SDC2: variants seen among roughly 807,000 people sequenced by gnomAD.
SDC2 encodes the protein syndecan 2, also known as syndecan-2.
Under a neutral mutation model 22.2 loss-of-function variants are expected in SDC2, and 13 were observed. The ratio of observed to expected loss-of-function variants is 0.59; its 90% CI spans 0.38 to 0.93. The LOEUF (loss-of-function observed/expected upper bound fraction) is 0.93. Ranked by LOEUF, SDC2 falls within the 40% of genes least tolerant of loss-of-function variation. The pLI is 0.00. For missense variants in SDC2, 235 were observed against 246.8 expected (o/e 0.95, Z 0.32); for synonymous variants, 94 against 92.8 (o/e 1.01, Z -0.07).
intron 1 of SDC2, among the ~76,000 whole-genome samples, chr8:96,576,410 TA>T (rs1814502107): frequency 4.9e-5 from 2 of 41,188 alleles, no homozygotes; most frequent in East Asian, 3.3e-4. Flanking sequence ...TTTGCTTTAT[TA>T]TTCTCTTTTT....
At chr8:96,608,113 G>A (rs563800417) in intron 3 of SDC2, among the ~76,000 whole-genome samples, 12 of 152,260 alleles carry the variant, frequency 7.9e-5, no homozygotes, top group South Asian at 2.1e-4. Context: ...CTAGCTCTCC[G>A]ACTTGCCTGA....
At chr8:96,589,194 A>G (rs751718335) in intron 1 of SDC2, among the ~76,000 whole-genome samples, 1 of 152,164 alleles carries the variant, frequency 6.6e-6, no homozygotes, top group South Asian at 2.1e-4. Flanking sequence ...GCTGTCCTCA[A>G]TTTTCCAACC....
chr8:96,551,586 C>T (rs1316240689), intron 1 of SDC2, among the ~76,000 whole-genome samples: 1 of 152,198 alleles, frequency 6.6e-6, no homozygotes, highest in African/African-American at 2.4e-5. Context: ...ACTCATCCAG[C>T]TCCAAGGCCC....
At chr8:96,529,097 C>T (rs1563649924) in intron 1 of SDC2, 1 of 152,196 alleles carries the variant, frequency 6.6e-6, no homozygotes, top group Non-Finnish European at 1.5e-5. Flanking sequence ...TTACTTCCAC[C>T]CAAGGGCAGC....
At chr8:96,580,139 A>C (rs540541600) in intron 1 of SDC2, among the ~76,000 whole-genome samples, 4 of 152,318 alleles carry the variant, frequency 2.6e-5, no homozygotes, top group Admixed American at 2.6e-4. Context: ...ACTTGAACGG[A>C]TTGTGGTCAT....
Position 96,567,201 on chromosome 8 carries a change from C to T in SDC2, c.61-26279C>T, listed in dbSNP as rs114939682. On this transcript the variant is annotated intron_variant, in intron 1 of 4. Transcript: ENST00000302190. Reference sequence around the variant, plus strand: ...TACAAGGTGATAGTTTATTAGTAAGCGTTCATGCCAATAACAGTTTCTGTT... The same window carrying T: ...TACAAGGTGATAGTTTATTAGTAAGTGTTCATGCCAATAACAGTTTCTGTT... Among the ~76,000 whole-genome samples, 152 of 152,280 alleles carry T rather than the reference C, an allele frequency of 1.0e-3. 1 individual carries two copies. The highest frequency in any genetic ancestry group is 3.4e-3 in the African/African-American group (142 of 41,566).
intron 1 of SDC2, among the ~76,000 whole-genome samples, chr8:96,547,391 A>G (rs1813950898): frequency 6.6e-6 from 1 of 152,202 alleles, no homozygotes; most frequent in South Asian, 2.1e-4. Context: ...AGTCCTAATT[A>G]TGACTCAAGC....
intron 1 of SDC2, among the ~76,000 whole-genome samples, chr8:96,512,900 C>G (rs1813349077): frequency 6.6e-6 from 1 of 151,946 alleles, no homozygotes; most frequent in South Asian, 2.1e-4. Flanking sequence ...AAATAGAAGC[C>G]TTTAGTGCAT....
At chr8:96,532,346 T>C (rs1411485271) in intron 1 of SDC2, among the ~76,000 whole-genome samples, 3 of 150,072 alleles carry the variant, frequency 2.0e-5, no homozygotes, top group Non-Finnish European at 4.4e-5. Context: ...CTAACTGAGT[T>C]CTTGGGGCAC....
chr8:96,569,530 C>T (rs1324702735), intron 1 of SDC2, among the ~76,000 whole-genome samples: 2 of 152,054 alleles, frequency 1.3e-5, no homozygotes, highest in African/African-American at 2.4e-5. Context: ...GAGACAGTCC[C>T]CAGTACATAG....
intron 1 of SDC2, among the ~76,000 whole-genome samples, chr8:96,564,506 C>T (rs545976851): frequency 1.3e-5 from 2 of 152,112 alleles, no homozygotes; most frequent in Non-Finnish European, 2.9e-5. Flanking sequence ...AGGCCTTGAC[C>T]GTAGAGTTGT....
chr8:96,516,600 A>G (rs927494278), intron 1 of SDC2, among the ~76,000 whole-genome samples: 1 of 151,618 alleles, frequency 6.6e-6, no homozygotes, highest in African/African-American at 2.4e-5. Flanking sequence ...CACTCACTTC[A>G]AGGCCTAGGC....
chr8:96,607,401 T>C (rs1815099307), intron 3 of SDC2, among the ~76,000 whole-genome samples: 1 of 152,164 alleles, frequency 6.6e-6, no homozygotes, highest in African/African-American at 2.4e-5. Context: ...GGGAGGCAAA[T>C]TGACAGTGCT....
At chr8:96,502,377 C>T (rs1469172950) in intron 1 of SDC2, among the ~76,000 whole-genome samples, 2 of 152,150 alleles carry the variant, frequency 1.3e-5, no homozygotes, top group East Asian at 3.8e-4. Flanking sequence ...AACACACAGC[C>T]AAACCATATC....
chr8:96,604,956 A>G (rs1405846242), intron 3 of SDC2, among the ~76,000 whole-genome samples: 1 of 152,174 alleles, frequency 6.6e-6, no homozygotes, highest in Non-Finnish European at 1.5e-5. Context: ...TAAAAAATGA[A>G]TTTTCCACCC....
intron 1 of SDC2, among the ~76,000 whole-genome samples, chr8:96,575,986 A>G (rs1472376022): frequency 1.3e-5 from 2 of 152,136 alleles, no homozygotes; most frequent in Admixed American, 6.5e-5. Context: ...ACCGTTGTCA[A>G]AGAAACCTTT....
At chr8:96,519,403 T>C (rs1251087961) in intron 1 of SDC2, among the ~76,000 whole-genome samples, 1 of 152,214 alleles carries the variant, frequency 6.6e-6, no homozygotes, top group African/African-American at 2.4e-5. Context: ...TTTCAAAATG[T>C]TTCAAAATGA....
chr8:96,559,220 C>T (rs938396894), intron 1 of SDC2, among the ~76,000 whole-genome samples: 12 of 152,010 alleles, frequency 7.9e-5, no homozygotes, highest in Admixed American at 7.2e-4. Flanking sequence ...AGTGTCAAGG[C>T]TTGAATGTCC....
chr8:96,523,622 C>T (rs745543700), intron 1 of SDC2, among the ~76,000 whole-genome samples: 1 of 152,062 alleles, frequency 6.6e-6, no homozygotes, highest in African/African-American at 2.4e-5. Flanking sequence ...GCTATTATAG[C>T]CCAAAATGCC....
Sources: allele counts gnomAD v4.1 joint callset (sites outside exome capture counted in the v4.1 genomes callset), GRCh38; gene constraint gnomAD v4.1.1; transcripts MANE v1.5; gene names NCBI Gene and HGNC (gene_info 2026-07-23, HGNC 2026-07-21).